Variants in ARSG observed in about 807,000 individuals in gnomAD.
ARSG encodes the protein ASG.
In ARSG, 37 loss-of-function variants were observed where a neutral mutation model predicts 50.5. The observed-to-expected ratio is 0.73, with a 90% confidence interval of 0.56 to 0.96. The LOEUF (loss-of-function observed/expected upper bound fraction) is 0.96, where lower values mean the gene tolerates loss of function less well. Among genes scored for constraint, ARSG ranks in the 50% least tolerant of loss-of-function variants. The pLI, the probability that ARSG is intolerant of heterozygous loss-of-function variation, is 0.00. For missense variants in ARSG, 629 were observed against 675.3 expected (o/e 0.93, Z 0.76); for synonymous variants, 225 against 254.6 (o/e 0.88, Z 1.11).
In ARSG at chr17:68,420,668, G is replaced by A. The variant is rs1319424363; in HGVS notation, c.*205G>A. ...CTGAGCTGCGCTGGCTCTGGGCAGG[G>A]AGTGTGCCTTAATGGGAAGCACACG... On this transcript the variant is annotated 3_prime_UTR_variant, in exon 12 of 12. Transcript: ENST00000621439. 9 of 632,042 alleles carry A rather than the reference G, an allele frequency of 1.4e-5. No homozygotes were observed. In the African/African-American group the frequency reaches 1.7e-4, roughly 12 times the overall value. The allele number at this position is 632,042 out of a possible 1,614,324, so 39.2% of individuals were successfully genotyped here.
chr17:68,384,816 T>A (rs928271838), intron 8 of ARSG, among the ~76,000 whole-genome samples: 1 of 152,054 alleles, frequency 6.6e-6, no homozygotes, highest in Admixed American at 6.6e-5. Flanking sequence ...GAAGGTCTCA[T>A]GAAGAAAATA....
intron 1 of ARSG, among the ~76,000 whole-genome samples, chr17:68,262,149 T>C (rs1599465368): frequency 8.1e-6 from 1 of 123,282 alleles, no homozygotes; most frequent in African/African-American, 3.3e-5. Flanking sequence ...AGAGCAAAAC[T>C]CCATCTCAAA....
intron 11 of ARSG, among the ~76,000 whole-genome samples, chr17:68,412,863 C>T (rs1437447079): frequency 6.6e-6 from 1 of 152,088 alleles, no homozygotes; most frequent in Non-Finnish European, 1.5e-5. Context: ...CGCTTCATTT[C>T]ATTCATTTCA....
the ARSG span, among the ~76,000 whole-genome samples, chr17:68,449,389 C>A: frequency 5.9e-5 from 9 of 152,144 alleles, no homozygotes; most frequent in African/African-American, 1.9e-4. Context: ...CAGCACTCTG[C>A]GAGGCCAAGG....
At position 68,391,661 on chromosome 17, in the gene ARSG, A is replaced by T. The variant is rs573382017; in HGVS notation, c.1092-3412A>T. Among the ~76,000 whole-genome samples, 15 of 152,246 alleles carry T rather than the reference A, an allele frequency of 9.9e-5. 1 individual carries two copies. The South Asian group carries it at 3.1e-3, about 32-fold the overall frequency. ...CACAATTTAGAGAAAACTCGAGCAA[A>T]CAGCTCCAAACCACCGCGGCCTTTT... On this transcript the variant is annotated intron_variant, in intron 9 of 11. Coordinates refer to ENST00000621439, the MANE Select transcript of ARSG (RefSeq NM_001267727.2).
At chr17:68,309,951 G>C (rs2076782305) in intron 2 of ARSG, among the ~76,000 whole-genome samples, 1 of 150,972 alleles carries the variant, frequency 6.6e-6, no homozygotes, top group Admixed American at 6.6e-5. Context: ...CACATCCAGA[G>C]TTTTTTGTTT....
At chr17:68,344,338 G>A (rs1055485939) in intron 3 of ARSG, among the ~76,000 whole-genome samples, 2 of 152,216 alleles carry the variant, frequency 1.3e-5, no homozygotes, top group Non-Finnish European at 2.9e-5. Flanking sequence ...TTGAACTTGG[G>A]CATGGTAATC....
At chr17:68,442,430 A>T in the ARSG span, among the ~76,000 whole-genome samples, 1 of 144,356 alleles carries the variant, frequency 6.9e-6, no homozygotes, top group Non-Finnish European at 1.5e-5. Flanking sequence ...GCACCACCTC[A>T]CTCCAGCCTG....
At chr17:68,317,774 AGG>A (rs2077125373) in intron 2 of ARSG, among the ~76,000 whole-genome samples, 2 of 152,220 alleles carry the variant, frequency 1.3e-5, no homozygotes, top group Non-Finnish European at 2.9e-5. Flanking sequence ...TGAAAATGTC[AGG>A]GACTTAGTAA....
At chr17:68,435,235 A>G in the ARSG span, among the ~76,000 whole-genome samples, 318 of 151,754 alleles carry the variant, frequency 2.1e-3, 1 homozygote, top group Non-Finnish European at 3.5e-3. Context: ...CAATTGGATC[A>G]CTTTCTCTGA....
intron 8 of ARSG, among the ~76,000 whole-genome samples, chr17:68,377,213 A>AG (rs1337208627): frequency 6.6e-6 from 1 of 152,174 alleles, no homozygotes; most frequent in Non-Finnish European, 1.5e-5. Context: ...GAGGAAACTG[A>AG]GGCCAAGGAG....
intron 9 of ARSG, among the ~76,000 whole-genome samples, chr17:68,388,498 G>A (rs1416958701): frequency 1.3e-5 from 2 of 152,132 alleles, no homozygotes; most frequent in Non-Finnish European, 2.9e-5. Flanking sequence ...TATACAAGAA[G>A]GGGAAGGGCC....
At chr17:68,440,017 T>G in the ARSG span, among the ~76,000 whole-genome samples, 1 of 152,214 alleles carries the variant, frequency 6.6e-6, no homozygotes, top group African/African-American at 2.4e-5. Flanking sequence ...GTTTAAACTT[T>G]CTAAGCTAAT....
intron 1 of ARSG, chr17:68,278,472 T>A (rs2075594170): frequency 1.6e-6 from 1 of 606,136 alleles, no homozygotes; most frequent in South Asian, 2.1e-5. Flanking sequence ...TTTATTGAGA[T>A]GGAGTCTTGC....
intron 2 of ARSG, among the ~76,000 whole-genome samples, chr17:68,325,768 G>T (rs1284244523): frequency 2.6e-5 from 4 of 152,206 alleles, no homozygotes; most frequent in African/African-American, 9.7e-5. Flanking sequence ...TTCTGGGGTT[G>T]CCTGCTTATA....
the ARSG span, among the ~76,000 whole-genome samples, chr17:68,440,175 C>G: frequency 6.6e-6 from 1 of 152,184 alleles, no homozygotes; most frequent in Non-Finnish European, 1.5e-5. Context: ...TCTACCAATC[C>G]ATCTGAATTT....
intron 1 of ARSG, chr17:68,274,063 G>A (rs782115690): frequency 3.7e-6 from 6 of 1,612,152 alleles, no homozygotes; most frequent in African/African-American, 1.3e-5. Context: ...GGACTGTGGC[G>A]AGGGGAGCTG....
intron 1 of ARSG, among the ~76,000 whole-genome samples, chr17:68,286,002 A>G (rs1289400249): frequency 6.6e-6 from 1 of 151,990 alleles, no homozygotes; most frequent in Non-Finnish European, 1.5e-5. Flanking sequence ...CTCGTGATCC[A>G]CCCACCTCGG....
At chr17:68,424,641 C>T (rs561024202), downstream of ARSG, 57 of 393,868 alleles carry the variant, frequency 1.4e-4, 1 homozygote, top group Middle Eastern at 4.8e-4. Context: ...TTTGGGAGGC[C>T]GAGACGAGTG....
Sources: gnomAD v4.1 joint callset for allele counts (sites outside exome capture counted in the v4.1 genomes callset) on GRCh38, gnomAD v4.1.1 for gene constraint, MANE v1.5 for transcripts, NCBI Gene and HGNC (gene_info 2026-07-23, HGNC 2026-07-21) for gene names.